Variants in CHRNA9 observed in about 807,000 individuals in gnomAD.
CHRNA9 encodes neuronal acetylcholine receptor subunit alpha-9.
CHRNA9 carries 24 observed loss-of-function variants against 36.8 expected under a neutral mutation model. The observed-to-expected ratio is 0.65, with a 90% CI of 0.47 to 0.92. CHRNA9 has a LOEUF of 0.92. Ranked by LOEUF, CHRNA9 falls within the 40% of genes least tolerant of loss-of-function variation. CHRNA9 has a pLI of 0.00. For missense variants in CHRNA9, 610 were observed against 601.2 expected (o/e 1.01, Z -0.15); for synonymous variants, 231 against 231.8 (o/e 1.00, Z 0.03).
intron 3 of CHRNA9, among the ~76,000 whole-genome samples, chr4:40,346,299 T>A (rs1201101715): frequency 3.3e-5 from 5 of 152,362 alleles, no homozygotes; most frequent in African/African-American, 1.2e-4. Flanking sequence ...AAATCTTTCC[T>A]TCCAGGTTCT....
chr4:40,339,591 G>A (rs560000596), intron 3 of CHRNA9, among the ~76,000 whole-genome samples: 2 of 151,072 alleles, frequency 1.3e-5, no homozygotes, highest in South Asian at 4.2e-4. Context: ...CCGTGAACCC[G>A]GGAGGCGGAG....
At chr4:40,342,530 G>A (rs1712526962) in intron 3 of CHRNA9, among the ~76,000 whole-genome samples, 1 of 152,166 alleles carries the variant, frequency 6.6e-6, no homozygotes, top group Admixed American at 6.5e-5. Flanking sequence ...AAGCAAGAGA[G>A]TCATGTCATG....
intron 3 of CHRNA9, among the ~76,000 whole-genome samples, chr4:40,339,624 C>A (rs1335158654): frequency 6.9e-6 from 1 of 144,880 alleles, no homozygotes; most frequent in Non-Finnish European, 1.5e-5. Flanking sequence ...CGAGATCGCG[C>A]TCCAGTCCAG....
At chr4:40,338,577 A>G (rs1338273435) in intron 3 of CHRNA9, among the ~76,000 whole-genome samples, 1 of 152,028 alleles carries the variant, frequency 6.6e-6, no homozygotes, top group Non-Finnish European at 1.5e-5. Flanking sequence ...CCCTGGGTGG[A>G]GGCTTCCAGT....
intron 4 of CHRNA9, among the ~76,000 whole-genome samples, chr4:40,352,366 C>T (rs1409231158): frequency 2.0e-5 from 3 of 152,066 alleles, no homozygotes; most frequent in Non-Finnish European, 4.4e-5. Context: ...GGATTACAGG[C>T]ACGTGCCAAT....
chr4:40,337,300 G>T lies in CHRNA9; in HGVS notation c.301G>T (p.Gly101Cys). 1 of 1,614,210 alleles carries T rather than the reference G, an allele frequency of 6.2e-7. No homozygotes were observed. Among genetic ancestry groups the T allele is most frequent in the Non-Finnish European group, 8.5e-7 (1 of 1,180,042 alleles). ...YLTWDRDQYDGLDSIRIPSDL... is the reference protein window; with the variant it reads ...YLTWDRDQYDCLDSIRIPSDL... ...CACGTGGGACCGAGATCAGTACGAT[G>T]GCCTAGACTCCATCAGGATCCCCAG... The change falls in exon 3 of 5, where the codon GGC becomes TGC. Residue 101 changes from glycine to cysteine, a missense_variant. Coordinates refer to ENST00000310169, the MANE Select transcript of CHRNA9 (RefSeq NM_017581.4).
In CHRNA9 at chr4:40,335,445, T is replaced by C; in HGVS notation, c.-23T>C. 1 of 1,599,928 alleles carries C rather than the reference T, an allele frequency of 6.3e-7. No individual in the cohort carries two copies. ...AGACCACGCTGCCTGACTGAGACTTTATTATAGAGGCTCAGGAAAAAGATG... is the reference window on the plus strand; with the variant it reads ...AGACCACGCTGCCTGACTGAGACTTCATTATAGAGGCTCAGGAAAAAGATG... On this transcript the variant is annotated 5_prime_UTR_variant, in exon 1 of 5. Coordinates refer to ENST00000310169, the MANE Select transcript of CHRNA9 (RefSeq NM_017581.4).
At chr4:40,352,704 T>G (rs7669053) in intron 4 of CHRNA9, among the ~76,000 whole-genome samples, 1 of 152,128 alleles carries the variant, frequency 6.6e-6, no homozygotes, top group Non-Finnish European at 1.5e-5. Flanking sequence ...TTTTGTTCTA[T>G]ATTTCATAAA....
chr4:40,338,016 G>A (rs1712376546), intron 3 of CHRNA9: 1 of 152,200 alleles, frequency 6.6e-6, no homozygotes, highest in African/African-American at 2.4e-5. Flanking sequence ...CATTCTGAGT[G>A]TTGGGGGCTA....
chr4:40,349,162 T>G lies in CHRNA9; in HGVS notation c.646T>G (p.Ser216Ala), dbSNP rs1465272628. 1.2e-6 allele frequency: 2 copies of G among 1,614,190 alleles called. No individual in the cohort carries two copies. The highest frequency in any genetic ancestry group is 1.7e-6 in the Non-Finnish European group (2 of 1,180,022). ...CATGCCCGCTGTGAAGAATGTGATC[T>G]CCTATGGCTGCTGCTCTGAGCCTTA... is the stretch of plus-strand genomic sequence containing the variant. The part of the protein sequence containing the change: ...HGMPAVKNVI[S>A]YGCCSEPYPD... Residue 216 changes from serine to alanine, a missense_variant, in exon 4 of 5, where the codon TCC (serine) becomes GCC (alanine). Transcript: ENST00000310169.
chr4:40,335,632 G>T (rs989984888), intron 1 of CHRNA9, 101 bp downstream of exon 1: 14 of 1,059,364 alleles, frequency 1.3e-5, no homozygotes, highest in Admixed American at 3.6e-5. Context: ...TGATTCAACC[G>T]CATGGAAGTG....
At chr4:40,336,015 G>A (rs1712309470) in intron 2 of CHRNA9, 43 bp downstream of exon 2, 4 of 1,537,278 alleles carry the variant, frequency 2.6e-6, no homozygotes, top group African/African-American at 2.7e-5. Flanking sequence ...GATTCTTAGA[G>A]GATAAACAAC....
chr4:40,340,390 G>A (rs1712463704), intron 3 of CHRNA9, among the ~76,000 whole-genome samples: 1 of 152,088 alleles, frequency 6.6e-6, no homozygotes, highest in Non-Finnish European at 1.5e-5. Context: ...GCTGTGTAGA[G>A]GAACCTCTAA....
rs886559261 is a variant in CHRNA9, at chr4:40,335,354, G to C, written c.-114G>C. Reference sequence around the variant, plus strand: ...ATGCAATGCAAGCCTGAGCTCTCCCGCCATAAGGCTGCAGCGGTGTGGGCT... The same window carrying C: ...ATGCAATGCAAGCCTGAGCTCTCCCCCCATAAGGCTGCAGCGGTGTGGGCT... On this transcript the variant is annotated 5_prime_UTR_variant, in exon 1 of 5. Transcript: ENST00000310169. The C allele has an allele frequency of 2.5e-6, 2 of 806,106 alleles. No homozygotes were observed. The highest frequency in any genetic ancestry group is 1.7e-5 in the African/African-American group (1 of 59,506). The allele number at this position is 806,106 out of a possible 1,614,324, so 49.9% of individuals were successfully genotyped here.
Position 40,349,190 on chromosome 4 carries a change from C to G in CHRNA9, c.674C>G (p.Pro225Arg). The G allele has an allele frequency of 1.2e-6, 2 of 1,614,166 alleles. No homozygotes were observed. The highest frequency in any genetic ancestry group is 8.5e-7 in the Non-Finnish European group (1 of 1,180,026). The change falls in exon 4 of 5, where the codon CCG becomes CGG. Residue 225 changes from proline (P) to arginine (R), a missense_variant. Transcript: ENST00000310169. Reference sequence around the variant, plus strand: ...TATGGCTGCTGCTCTGAGCCTTACCCGGATGTCACATTCACCCTCCTTCTG... The same window carrying G: ...TATGGCTGCTGCTCTGAGCCTTACCGGGATGTCACATTCACCCTCCTTCTG... ...ISYGCCSEPY[P>R]DVTFTLLLKR...
At chr4:40,345,548 C>A (rs1019969818) in intron 3 of CHRNA9, among the ~76,000 whole-genome samples, 1 of 151,838 alleles carries the variant, frequency 6.6e-6, no homozygotes, top group Non-Finnish European at 1.5e-5. Flanking sequence ...ACTGTTTCTA[C>A]TAAAAATACA....
At chr4:40,339,051 G>C (rs1367961190) in intron 3 of CHRNA9, among the ~76,000 whole-genome samples, 5 of 152,134 alleles carry the variant, frequency 3.3e-5, no homozygotes, top group African/African-American at 1.2e-4. Context: ...GCCAAGGCAG[G>C]TGGATCGCCT....
At position 40,348,325 on chromosome 4, in the gene CHRNA9, G is replaced by C. The variant is rs28454587; in HGVS notation, c.366-557G>C. Among the ~76,000 whole-genome samples, 1,352 of 152,230 alleles carry C rather than the reference G, an allele frequency of 8.9e-3. 21 individuals carry two copies. Among genetic ancestry groups the C allele is most frequent in the African/African-American group, 0.03 (1,266 of 41,522 alleles). ...AGAAATTCTGTACCCCAAAATACAA[G>C]GCATAAATATTGATAAAGCAAAAGA... On this transcript the variant is annotated intron_variant, in intron 3 of 4. Transcript: ENST00000310169.
At chr4:40,336,264 T>C (rs1190428615) in intron 2 of CHRNA9, among the ~76,000 whole-genome samples, 1 of 152,156 alleles carries the variant, frequency 6.6e-6, no homozygotes, top group Non-Finnish European at 1.5e-5. Context: ...GGTAAATCCG[T>C]AGAGACAGAA....
Sources: gnomAD v4.1 joint callset for allele counts (sites outside exome capture counted in the v4.1 genomes callset) on GRCh38, gnomAD v4.1.1 for gene constraint, MANE v1.5 for transcripts, NCBI Gene and HGNC (gene_info 2026-07-23, HGNC 2026-07-21) for gene names.